FABP12: variants seen among roughly 807,000 people sequenced by gnomAD.
The protein encoded by FABP12 is fatty acid binding protein 12.
In FABP12, 19 loss-of-function variants were observed where a neutral mutation model predicts 13.7. The ratio of observed to expected loss-of-function variants is 1.39; its 90% CI spans 0.97 to 2.04. The LOEUF is 2.04. FABP12 is among the 30% of genes most tolerant of loss of function. The pLI, the probability that FABP12 is intolerant of heterozygous loss-of-function variation, is 0.00. For missense variants in FABP12, 182 were observed against 164.2 expected, an observed-to-expected ratio of 1.11 and a Z score of -0.59; for synonymous variants, 61 against 57.0, an observed-to-expected ratio of 1.07 and a Z score of -0.32.
intron 1 of FABP12, among the ~76,000 whole-genome samples, chr8:81,532,237 T>A (rs565164886): frequency 6.6e-6 from 1 of 152,308 alleles, no homozygotes; most frequent in East Asian, 1.9e-4. Flanking sequence ...ATACATTCCA[T>A]CAGCCCCTGA....
At chr8:81,587,411 T>A (rs1211179079) in intron 1 of FABP12, among the ~76,000 whole-genome samples, 1 of 152,218 alleles carries the variant, frequency 6.6e-6, no homozygotes, top group Admixed American at 6.5e-5. Flanking sequence ...TATTGGTTCT[T>A]CCTATCCATG....
chr8:81,529,353 G>A (rs1451341020), intron 3 of FABP12, 85 bp downstream of exon 3: 2 of 1,346,918 alleles, frequency 1.5e-6, no homozygotes, highest in South Asian at 1.2e-5. Flanking sequence ...CTTTAGATAT[G>A]TTTGCTAGAA....
At chr8:81,536,386 A>G (rs928039123), upstream of FABP12, among the ~76,000 whole-genome samples, 9 of 152,380 alleles carry the variant, frequency 5.9e-5, no homozygotes, top group African/African-American at 1.9e-4. Flanking sequence ...GCAGGAGAGG[A>G]AAGCCCCAGC....
chr8:81,568,391 C>T (rs1245881721), intron 1 of FABP12, among the ~76,000 whole-genome samples: 1 of 152,136 alleles, frequency 6.6e-6, no homozygotes, highest in Admixed American at 6.5e-5. Flanking sequence ...TCAACATCAT[C>T]GATCATCAGA....
chr8:81,542,231 G>A (rs1478023814), intron 1 of FABP12, among the ~76,000 whole-genome samples: 1 of 152,150 alleles, frequency 6.6e-6, no homozygotes, highest in Non-Finnish European at 1.5e-5. Flanking sequence ...AATGCTGAAA[G>A]TTAAACATCA....
chr8:81,569,687 A>C (rs1308548650), intron 1 of FABP12, among the ~76,000 whole-genome samples: 2 of 152,206 alleles, frequency 1.3e-5, no homozygotes, highest in Non-Finnish European at 2.9e-5. Flanking sequence ...CAGAGGGCCC[A>C]ATTTATTCCA....
chr8:81,561,639 A>G (rs567075222), intron 1 of FABP12, among the ~76,000 whole-genome samples: 1 of 152,222 alleles, frequency 6.6e-6, no homozygotes, highest in Non-Finnish European at 1.5e-5. Context: ...TGCATGGGGG[A>G]AGGAGGGCAC....
Position 81,584,610 on chromosome 8 carries a change from G to A in FABP12, c.-185+5443C>T, listed in dbSNP as rs181960240. The stretch of plus-strand genomic sequence containing the variant: ...GACCCAATCCCCTGTGAGCCAAGCT[G>A]CTGCAGATATCTCTTTGATATATTG... On this transcript the variant is annotated intron_variant, in intron 1 of 5. Coordinates refer to the FABP12 transcript ENST00000692030. Among the ~76,000 whole-genome samples the A allele has an allele frequency of 3.4e-3, 515 of 152,264 alleles. 1 individual carries two copies. The highest frequency in any genetic ancestry group is 6.7e-3 in the Admixed American group (102 of 15,298).
At chr8:81,578,888 A>C (rs1253629108) in intron 1 of FABP12, among the ~76,000 whole-genome samples, 6 of 127,810 alleles carry the variant, frequency 4.7e-5, no homozygotes, top group Non-Finnish European at 3.1e-5. Context: ...GCAGTGGCAC[A>C]ATCTTGGCTC....
intron 1 of FABP12, among the ~76,000 whole-genome samples, chr8:81,576,043 A>G (rs1442964810): frequency 2.0e-5 from 3 of 152,256 alleles, no homozygotes; most frequent in Admixed American, 2.0e-4. Context: ...TTAGCTGATA[A>G]GAAAGCAAAT....
At chr8:81,547,931 T>C (rs1232149540) in intron 1 of FABP12, among the ~76,000 whole-genome samples, 1 of 152,236 alleles carries the variant, frequency 6.6e-6, no homozygotes, top group Non-Finnish European at 1.5e-5. Flanking sequence ...GTGAAAGGAC[T>C]TTTACAGAAT....
chr8:81,528,438 T>G (rs899991333), intron 3 of FABP12, among the ~76,000 whole-genome samples: 1 of 152,204 alleles, frequency 6.6e-6, no homozygotes, highest in African/African-American at 2.4e-5. Context: ...ATTAAGCATT[T>G]AAGTCAAAAA....
At chr8:81,531,375 T>G in exon 2 of FABP12, 3 of 1,147,688 alleles carry the variant, frequency 2.6e-6, no homozygotes, top group Non-Finnish European at 3.8e-6. Flanking sequence ...TGGTTTTCCC[T>G]GAAGTAGTAT....
intron 1 of FABP12, among the ~76,000 whole-genome samples, chr8:81,576,377 G>A (rs923458236): frequency 1.3e-5 from 2 of 152,020 alleles, no homozygotes; most frequent in Admixed American, 6.5e-5. Flanking sequence ...ATGCAAGTAT[G>A]TATATAGTAA....
chr8:81,531,580 C>T (rs1314052342), intron 1 of FABP12, among the ~76,000 whole-genome samples, 190 bp from the exon 2 acceptor site: 2 of 152,170 alleles, frequency 1.3e-5, no homozygotes, highest in Admixed American at 1.3e-4. Context: ...CCTTTTCCAA[C>T]ACCAATTTAG....
chr8:81,531,173 A>G, intron 2 of FABP12, 70 bp downstream of exon 2: 2 of 998,890 alleles, frequency 2.0e-6, no homozygotes, highest in Non-Finnish European at 3.1e-6. Context: ...ATTATTTTAT[A>G]CAGAGCAAGT....
intron 1 of FABP12, among the ~76,000 whole-genome samples, chr8:81,542,306 A>T (rs138541750): frequency 7.9e-5 from 12 of 152,302 alleles, no homozygotes; most frequent in Non-Finnish European, 1.5e-4. Flanking sequence ...CCAGTCTGTC[A>T]TAAGGGAGCC....
intron 1 of FABP12, among the ~76,000 whole-genome samples, chr8:81,564,549 T>C (rs1299212567): frequency 1.3e-5 from 2 of 151,836 alleles, no homozygotes; most frequent in Admixed American, 6.6e-5. Context: ...CAAAGACAAA[T>C]GTAAAATGTA....
intron 2 of FABP12, among the ~76,000 whole-genome samples, chr8:81,530,853 T>G (rs1002575204): frequency 4.6e-5 from 7 of 152,206 alleles, no homozygotes; most frequent in African/African-American, 1.7e-4. Context: ...GGAGCATTGC[T>G]GGCACACACT....
Sources: gnomAD v4.1 joint callset for allele counts (sites outside exome capture counted in the v4.1 genomes callset) on GRCh38, gnomAD v4.1.1 for gene constraint, MANE v1.5 for transcripts, NCBI Gene and HGNC (gene_info 2026-07-23, HGNC 2026-07-21) for gene names.